ZNG1B: variants seen among roughly 807,000 people sequenced by gnomAD.
ZNG1B encodes zinc-regulated GTPase metalloprotein activator 1B.
the ZNG1B span, chr2:113,494,096 T>A: frequency 2.0e-6 from 3 of 1,529,112 alleles, no homozygotes; most frequent in African/African-American, 2.8e-5. Flanking sequence ...GTACAAATCA[T>A]CTTTGTCTAC....
chr2:113,438,033 A>G, the ZNG1B span: 2 of 1,611,886 alleles, frequency 1.2e-6, no homozygotes, highest in Non-Finnish European at 1.7e-6. Context: ...GTAACTAACC[A>G]TCCCAGTCAC....
At chr2:113,474,111 T>C in the ZNG1B span, among the ~76,000 whole-genome samples, 27 of 151,974 alleles carry the variant, frequency 1.8e-4, no homozygotes, top group African/African-American at 6.5e-4. Flanking sequence ...TGAATCTATC[T>C]GGTCCTGGAC....
At chr2:113,457,651 A>T in the ZNG1B span, among the ~76,000 whole-genome samples, 3 of 150,626 alleles carry the variant, frequency 2.0e-5, no homozygotes, top group African/African-American at 7.3e-5. Context: ...ATTGAGGTAC[A>T]ATTGACAAGT....
At chr2:113,472,928 C>T in the ZNG1B span, among the ~76,000 whole-genome samples, 1 of 151,082 alleles carries the variant, frequency 6.6e-6, no homozygotes, top group Non-Finnish European at 1.5e-5. Flanking sequence ...GTGATGCCTC[C>T]AGCTTTGTTC....
chr2:113,476,424 C>T, the ZNG1B span, among the ~76,000 whole-genome samples: 3 of 149,884 alleles, frequency 2.0e-5, no homozygotes, highest in Admixed American at 6.7e-5. Flanking sequence ...ACTTCTTTGC[C>T]TTTGGTTTGA....
At chr2:113,451,200 G>C in the ZNG1B span, among the ~76,000 whole-genome samples, 236 of 149,766 alleles carry the variant, frequency 1.6e-3, no homozygotes, top group Non-Finnish European at 3.0e-3. Context: ...TCTGGTAAGT[G>C]TTTAGGATTT....
chr2:113,495,274 T>A, the ZNG1B span: 31 of 1,513,986 alleles, frequency 2.0e-5, 2 homozygotes, highest in African/African-American at 4.0e-4. Flanking sequence ...ATTCACAGTT[T>A]TAAAACAAAG....
the ZNG1B span, among the ~76,000 whole-genome samples, chr2:113,487,923 G>A: frequency 3.9e-5 from 6 of 151,908 alleles, no homozygotes; most frequent in East Asian, 1.9e-4. Flanking sequence ...TCTGCTTTTT[G>A]TATTACTAGT....
At chr2:113,449,233 A>G in the ZNG1B span, among the ~76,000 whole-genome samples, 58 of 152,240 alleles carry the variant, frequency 3.8e-4, no homozygotes, top group East Asian at 0.011. Context: ...CATATCAGCA[A>G]TAAGGCTGTT....
the ZNG1B span, among the ~76,000 whole-genome samples, chr2:113,458,262 T>A: frequency 1.3e-5 from 2 of 152,172 alleles, no homozygotes; most frequent in Non-Finnish European, 2.9e-5. Flanking sequence ...ATTGATTTTG[T>A]ACTTTTTGCA....
the ZNG1B span, chr2:113,469,109 CTTCA>C: frequency 1.3e-5 from 2 of 150,532 alleles, no homozygotes; most frequent in Non-Finnish European, 3.0e-5. Flanking sequence ...TGGAGGGAAA[CTTCA>C]TTCATTTGGT....
the ZNG1B span, among the ~76,000 whole-genome samples, chr2:113,457,474 A>G: frequency 7.2e-6 from 1 of 138,752 alleles, no homozygotes; most frequent in Admixed American, 7.5e-5. Context: ...TTTCATAGCC[A>G]GTGGGTTTTA....
At chr2:113,457,142 C>T in the ZNG1B span, 36 of 454,556 alleles carry the variant, frequency 7.9e-5, no homozygotes, top group African/African-American at 2.2e-4. Flanking sequence ...TTGTTCTTTT[C>T]GGTTCTACAA....
the ZNG1B span, among the ~76,000 whole-genome samples, chr2:113,477,103 G>T: frequency 1.7e-3 from 263 of 152,282 alleles, 2 homozygotes; most frequent in Non-Finnish European, 1.8e-3. Flanking sequence ...AATGGCGGGC[G>T]CCCCTCCCCC....
the ZNG1B span, chr2:113,438,949 T>G: frequency 1.0e-5 from 16 of 1,530,064 alleles, no homozygotes; most frequent in Non-Finnish European, 1.4e-5. Context: ...CTTTGTAGAC[T>G]GTAAGTTTAT....
At chr2:113,451,904 A>T in the ZNG1B span, among the ~76,000 whole-genome samples, 2 of 152,030 alleles carry the variant, frequency 1.3e-5, no homozygotes, top group South Asian at 4.1e-4. Flanking sequence ...TATTTTACTG[A>T]GTGAAAAAAT....
the ZNG1B span, among the ~76,000 whole-genome samples, chr2:113,472,168 T>C: frequency 6.6e-6 from 1 of 151,078 alleles, no homozygotes; most frequent in African/African-American, 2.4e-5. Context: ...TTCTTAATGA[T>C]TGCCATTCTA....
At chr2:113,493,163 C>T in the ZNG1B span, among the ~76,000 whole-genome samples, 1 of 132,508 alleles carries the variant, frequency 7.5e-6, no homozygotes, top group South Asian at 2.5e-4. Context: ...TCGCTAAGAA[C>T]TCTTCTCCTC....
the ZNG1B span, among the ~76,000 whole-genome samples, chr2:113,446,830 G>A: frequency 1.3e-5 from 2 of 151,386 alleles, no homozygotes; most frequent in African/African-American, 4.9e-5. Flanking sequence ...ACACACACAA[G>A]TAGGTAAATT....
Sources: gnomAD v4.1 joint callset for allele counts (sites outside exome capture counted in the v4.1 genomes callset) on GRCh38, gnomAD v4.1.1 for gene constraint, MANE v1.5 for transcripts, NCBI Gene and HGNC (gene_info 2026-07-23, HGNC 2026-07-21) for gene names.